The following KLF12 variants were observed in gnomAD, a reference collection of about 807,000 sequenced individuals.
KLF12 encodes the protein Krueppel-like factor 12.
KLF12 carries 9 observed loss-of-function variants against 37.8 expected under a neutral mutation model. The ratio of observed to expected loss-of-function variants is 0.24; its 90% CI spans 0.14 to 0.42. The LOEUF (loss-of-function observed/expected upper bound fraction) is 0.42, where lower values mean the gene tolerates loss of function less well. KLF12 is among the 10% of genes least tolerant of loss of function. KLF12 has a pLI of 1.00. For synonymous variants in KLF12, 208 were observed against 202.1 expected, an observed-to-expected ratio of 1.03 and a Z score of -0.25; for missense variants, 411 against 516.0, an observed-to-expected ratio of 0.80 and a Z score of 1.97.
chr13:73,972,353 C>A (rs979297993), intron 2 of KLF12, among the ~76,000 whole-genome samples: 1 of 151,876 alleles, frequency 6.6e-6, no homozygotes, highest in African/African-American at 2.4e-5. Context: ...CTTCAAAGTT[C>A]GACTCCCTAT....
chr13:73,697,938 A>G (rs1471908374), intron 7 of KLF12, among the ~76,000 whole-genome samples: 1 of 152,146 alleles, frequency 6.6e-6, no homozygotes, highest in Admixed American at 6.5e-5. Flanking sequence ...GAATCACTTC[A>G]GGCCAGGAGT....
intron 1 of KLF12, among the ~76,000 whole-genome samples, chr13:74,083,660 T>G (rs1206732869): frequency 6.6e-6 from 1 of 152,190 alleles, no homozygotes; most frequent in African/African-American, 2.4e-5. Context: ...GTTTGTCCAG[T>G]TAATATTGAA....
chr13:74,019,314 C>T (rs541773328), intron 1 of KLF12, among the ~76,000 whole-genome samples: 1 of 152,328 alleles, frequency 6.6e-6, no homozygotes, highest in Non-Finnish European at 1.5e-5. Context: ...TATATCTCTA[C>T]TCCCATACTA....
chr13:74,173,726 G>A, the KLF12 span, among the ~76,000 whole-genome samples: 2 of 152,070 alleles, frequency 1.3e-5, no homozygotes, highest in Non-Finnish European at 2.9e-5. Context: ...TTAAAGATTT[G>A]GTCTTTTTGT....
At chr13:73,815,580 A>G (rs1883171082) in intron 4 of KLF12, among the ~76,000 whole-genome samples, 2 of 152,208 alleles carry the variant, frequency 1.3e-5, no homozygotes, top group African/African-American at 4.8e-5. Flanking sequence ...CAGCCAAGAA[A>G]ATGAATATCA....
chr13:73,807,952 G>C (rs1200561294), intron 5 of KLF12, among the ~76,000 whole-genome samples: 5 of 152,088 alleles, frequency 3.3e-5, no homozygotes, highest in Admixed American at 2.0e-4. Flanking sequence ...TAATAAATGA[G>C]CATTATGAAT....
chr13:74,129,862 T>G (rs1191054095), intron 1 of KLF12, among the ~76,000 whole-genome samples: 1 of 152,198 alleles, frequency 6.6e-6, no homozygotes, highest in South Asian at 2.1e-4. Context: ...ACATAATTAC[T>G]GACAATATAG....
intron 3 of KLF12, among the ~76,000 whole-genome samples, chr13:73,877,692 C>T (rs1054071100): frequency 6.6e-6 from 1 of 152,152 alleles, no homozygotes; most frequent in Non-Finnish European, 1.5e-5. Context: ...AGTAGCATTT[C>T]TATGAAAAAT....
intron 1 of KLF12, among the ~76,000 whole-genome samples, chr13:74,100,696 A>G (rs935598043): frequency 2.0e-5 from 3 of 152,200 alleles, no homozygotes; most frequent in Non-Finnish European, 2.9e-5. Context: ...AAACACTGCT[A>G]TAAGTGTATG....
the KLF12 span, chr13:74,257,366 G>A: frequency 1.3e-5 from 2 of 152,118 alleles, no homozygotes; most frequent in Admixed American, 6.5e-5. Context: ...GTTAACTCCC[G>A]AGAGTCCCTG....
chr13:73,839,005 CATCAAGGTTACT>C (rs796672954), intron 4 of KLF12, among the ~76,000 whole-genome samples: 6 of 152,184 alleles, frequency 3.9e-5, no homozygotes, highest in African/African-American at 1.4e-4. Context: ...TCAAGGTTAC[CATCAAGGTTACT>C]GGCTCAGGTA....
Position 73,690,629 on chromosome 13 carries a change from G to C in KLF12, c.*4861C>G, listed in dbSNP as rs1593959051. ...CACTCTATTTTGAACAGAACACGAA[G>C]AGCATGCTCTGACAAAGTTGGACAG... On this transcript the variant is annotated 3_prime_UTR_variant, in exon 8 of 8. Coordinates refer to ENST00000377669, the MANE Select transcript of KLF12 (RefSeq NM_007249.5). The C allele has an allele frequency of 6.6e-6, 1 of 152,100 alleles. No homozygotes were observed. Among genetic ancestry groups the C allele is most frequent in the South Asian group, 2.1e-4 (1 of 4,822 alleles). 9.4% of individuals were successfully genotyped at this position (152,100 alleles called of 1,614,324 possible).
intron 1 of KLF12, among the ~76,000 whole-genome samples, chr13:74,023,472 G>A (rs1892896860): frequency 6.6e-6 from 1 of 152,194 alleles, no homozygotes; most frequent in African/African-American, 2.4e-5. Flanking sequence ...CCAAAATCAA[G>A]TTGTTGGTAG....
At chr13:73,722,377 G>A (rs992719519) in intron 6 of KLF12, among the ~76,000 whole-genome samples, 5 of 152,176 alleles carry the variant, frequency 3.3e-5, no homozygotes, top group African/African-American at 4.8e-5. Flanking sequence ...GGCTCTCAGA[G>A]GCAGGAATCT....
chr13:73,723,198 T>C (rs563547354), intron 6 of KLF12, among the ~76,000 whole-genome samples: 2 of 152,328 alleles, frequency 1.3e-5, no homozygotes, highest in South Asian at 4.1e-4. Context: ...AAGAGGATTG[T>C]TGGCTAACAA....
intron 3 of KLF12, among the ~76,000 whole-genome samples, chr13:73,908,869 T>C (rs1366453008): frequency 6.6e-6 from 1 of 152,182 alleles, no homozygotes; most frequent in Non-Finnish European, 1.5e-5. Context: ...AATAAGTTCA[T>C]GATTGTCTAT....
chr13:74,249,194 A>C, the KLF12 span, among the ~76,000 whole-genome samples: 1 of 151,896 alleles, frequency 6.6e-6, no homozygotes, highest in Admixed American at 6.6e-5. Context: ...AGTAATATCC[A>C]CTTTATAAAA....
At chr13:74,229,819 C>G in the KLF12 span, among the ~76,000 whole-genome samples, 1 of 152,122 alleles carries the variant, frequency 6.6e-6, no homozygotes, top group South Asian at 2.1e-4. Flanking sequence ...CTTATACAGA[C>G]TATTTCAGTC....
chr13:74,301,105 T>TA, the KLF12 span, among the ~76,000 whole-genome samples: 1 of 152,314 alleles, frequency 6.6e-6, no homozygotes, highest in Admixed American at 6.5e-5. Context: ...CTTGCTGTTT[T>TA]AAAAAACTTT....
Sources: gnomAD v4.1 joint callset for allele counts (sites outside exome capture counted in the v4.1 genomes callset) on GRCh38, gnomAD v4.1.1 for gene constraint, MANE v1.5 for transcripts, NCBI Gene and HGNC (gene_info 2026-07-23, HGNC 2026-07-21) for gene names.